The following SAMMSON variants were observed in gnomAD, a reference collection of about 807,000 sequenced individuals.
SAMMSON encodes survival associated mitochondrial melanoma specific oncogenic non-coding RNA.
chr3:70,025,693 C>T (rs1378280836), intron 3 of SAMMSON, among the ~76,000 whole-genome samples: 3 of 152,196 alleles, frequency 2.0e-5, no homozygotes, highest in Non-Finnish European at 4.4e-5. Context: ...CTGAGTATAA[C>T]TTTTGACTCA....
chr3:70,020,456 T>C (rs184691431), intron 3 of SAMMSON, among the ~76,000 whole-genome samples: 4 of 152,262 alleles, frequency 2.6e-5, no homozygotes, highest in Admixed American at 1.3e-4. Context: ...CCCACCAATA[T>C]GGAGACTGTG....
At chr3:70,034,147 A>G (rs934561056) in intron 3 of SAMMSON, among the ~76,000 whole-genome samples, 2 of 152,170 alleles carry the variant, frequency 1.3e-5, no homozygotes, top group African/African-American at 4.8e-5. Flanking sequence ...AGATGGAACC[A>G]AAGCTGGGCC....
chr3:70,284,856 T>A (rs567988890), intron 6 of SAMMSON, among the ~76,000 whole-genome samples: 1 of 152,226 alleles, frequency 6.6e-6, no homozygotes, highest in Admixed American at 6.5e-5. Context: ...GACACAAGTT[T>A]ACCTATGTAA....
At chr3:70,390,978 A>C (rs755439281), downstream of SAMMSON, among the ~76,000 whole-genome samples, 1 of 152,130 alleles carries the variant, frequency 6.6e-6, no homozygotes, top group Non-Finnish European at 1.5e-5. Context: ...AATTCATGTT[A>C]AGTTGACCCT....
At chr3:70,340,059 G>A (rs1575629053) in intron 7 of SAMMSON, among the ~76,000 whole-genome samples, 2 of 151,992 alleles carry the variant, frequency 1.3e-5, no homozygotes, top group Non-Finnish European at 2.9e-5. Flanking sequence ...ATACACCATG[G>A]AATACTATGC....
chr3:70,258,681 A>G (rs2106659254), intron 6 of SAMMSON, among the ~76,000 whole-genome samples: 1 of 152,294 alleles, frequency 6.6e-6, no homozygotes, highest in African/African-American at 2.4e-5. Flanking sequence ...CTATGCAGTC[A>G]AAGCTTTATG....
At chr3:70,328,870 A>G (rs1045010946) in intron 7 of SAMMSON, among the ~76,000 whole-genome samples, 1 of 152,188 alleles carries the variant, frequency 6.6e-6, no homozygotes, top group African/African-American at 2.4e-5. Context: ...TACACCAAAA[A>G]TTATCAAATT....
intron 8 of SAMMSON, among the ~76,000 whole-genome samples, chr3:70,356,520 T>C (rs751469861): frequency 1.3e-5 from 2 of 152,136 alleles, no homozygotes; most frequent in Non-Finnish European, 2.9e-5. Context: ...TGGTTACAAG[T>C]CCCACCAGTC....
intron 4 of SAMMSON, chr3:70,204,609 A>G (rs920792507): frequency 6.6e-6 from 1 of 151,776 alleles, no homozygotes; most frequent in Non-Finnish European, 1.5e-5. Flanking sequence ...AATTATCTTC[A>G]TGGATCTCCT....
chr3:70,174,243 G>C (rs1700986965), intron 4 of SAMMSON, among the ~76,000 whole-genome samples: 1 of 151,976 alleles, frequency 6.6e-6, no homozygotes, highest in African/African-American at 2.4e-5. Flanking sequence ...GAAGCACGGT[G>C]AGAACAAAAA....
intron 6 of SAMMSON, among the ~76,000 whole-genome samples, chr3:70,268,094 T>C (rs1256807450): frequency 2.6e-5 from 4 of 151,870 alleles, no homozygotes; most frequent in African/African-American, 9.7e-5. Flanking sequence ...TTAGAGTAGT[T>C]TTAGGTTCAC....
At chr3:70,005,552 C>A (rs540613763) in intron 1 of SAMMSON, among the ~76,000 whole-genome samples, 3 of 152,090 alleles carry the variant, frequency 2.0e-5, no homozygotes, top group Non-Finnish European at 2.9e-5. Flanking sequence ...TCTTGAAGAC[C>A]TTGACCAGAA....
chr3:70,255,693 A>G (rs2106656311), intron 6 of SAMMSON, among the ~76,000 whole-genome samples: 1 of 152,192 alleles, frequency 6.6e-6, no homozygotes, highest in East Asian at 1.9e-4. Flanking sequence ...TGCTGGGCTC[A>G]AGTATTCCCT....
At chr3:70,058,762 A>G (rs2067176998) in intron 3 of SAMMSON, among the ~76,000 whole-genome samples, 2 of 152,092 alleles carry the variant, frequency 1.3e-5, no homozygotes, top group South Asian at 4.1e-4. Flanking sequence ...GCTACTTACC[A>G]GTGACTGTAT....
At chr3:70,259,942 G>A (rs6549312) in intron 6 of SAMMSON, among the ~76,000 whole-genome samples, 150,335 of 152,210 alleles carry the variant, frequency 0.99, 74,254 homozygotes, top group Non-Finnish European at 1. Context: ...AAGGGGAAAG[G>A]GGCACTTATA....
intron 4 of SAMMSON, among the ~76,000 whole-genome samples, chr3:70,122,713 G>T (rs1477143706): frequency 6.6e-6 from 1 of 152,120 alleles, no homozygotes; most frequent in Non-Finnish European, 1.5e-5. Flanking sequence ...TCCTTAAATT[G>T]TTTCTAGAAT....
intron 4 of SAMMSON, among the ~76,000 whole-genome samples, chr3:70,106,884 T>A (rs1391695610): frequency 6.6e-6 from 1 of 152,230 alleles, no homozygotes; most frequent in Non-Finnish European, 1.5e-5. Flanking sequence ...TGCCTGTTAA[T>A]GATTCATAAA....
At chr3:70,186,409 C>T (rs1166024715) in intron 4 of SAMMSON, among the ~76,000 whole-genome samples, 1 of 151,982 alleles carries the variant, frequency 6.6e-6, no homozygotes, top group Non-Finnish European at 1.5e-5. Flanking sequence ...AGGTGCATGC[C>T]ACCATGCCTG....
intron 4 of SAMMSON, among the ~76,000 whole-genome samples, chr3:70,099,805 A>T (rs1217236537): frequency 6.6e-6 from 1 of 152,082 alleles, no homozygotes; most frequent in African/African-American, 2.4e-5. Context: ...GCTGGTTAAC[A>T]TTTATTACTT....
Sources: allele counts gnomAD v4.1 joint callset (sites outside exome capture counted in the v4.1 genomes callset), GRCh38; gene constraint gnomAD v4.1.1; transcripts MANE v1.5; gene names NCBI Gene and HGNC (gene_info 2026-07-23, HGNC 2026-07-21).